SMIM35: variants seen among roughly 807,000 people sequenced by gnomAD.
SMIM35 encodes small integral membrane protein 35.
At chr11:118,021,435 T>C (rs2058230479) in intron 1 of SMIM35, among the ~76,000 whole-genome samples, 1 of 152,178 alleles carries the variant, frequency 6.6e-6, no homozygotes, top group Non-Finnish European at 1.5e-5. Flanking sequence ...ATTTCCATAA[T>C]TTTAACTTAA....
At chr11:118,016,116 C>T (rs574157875) in intron 1 of SMIM35, among the ~76,000 whole-genome samples, 3 of 152,244 alleles carry the variant, frequency 2.0e-5, no homozygotes, top group South Asian at 2.1e-4. Context: ...CTACCTGTGT[C>T]GGGGTGAGCC....
At chr11:118,012,706 GTTGAA>G (rs2058156591) in intron 4 of SMIM35, among the ~76,000 whole-genome samples, 1 of 152,216 alleles carries the variant, frequency 6.6e-6, no homozygotes, top group Non-Finnish European at 1.5e-5. Context: ...CAGGGGGAGG[GTTGAA>G]AGTGCTGGAA....
intron 1 of SMIM35, among the ~76,000 whole-genome samples, chr11:118,055,558 C>G (rs1401185246): frequency 6.6e-6 from 1 of 152,172 alleles, no homozygotes; most frequent in African/African-American, 2.4e-5. Flanking sequence ...CTGGGGTCCC[C>G]CACTACTTGT....
intron 1 of SMIM35, among the ~76,000 whole-genome samples, chr11:118,019,685 T>G (rs918896017): frequency 1.4e-4 from 21 of 152,236 alleles, no homozygotes; most frequent in African/African-American, 5.1e-4. Context: ...CGAGACATAC[T>G]CCTTATTTTT....
rs1048535986 is a variant in SMIM35 at position 118,077,398 on chromosome 11, A to G, written c.7+9353T>C. On this transcript the variant is annotated intron_variant, in intron 1 of 4. Coordinates refer to ENST00000689828, the MANE Select transcript of SMIM35 (RefSeq NM_001394165.1). The stretch of plus-strand genomic sequence containing the variant: ...CAGCCTGAGCATCCATCAGCTGAGA[A>G]TTCTGTGACACCTTCTAGGTTAAAA... 9 of 1,408,530 alleles carry G rather than the reference A, an allele frequency of 6.4e-6. No individual in the cohort carries two copies. The South Asian group carries it at 1.1e-4, about 18-fold the overall frequency. The allele number at this position is 1,408,530 out of a possible 1,614,324, so 87.3% of individuals were successfully genotyped here.
chr11:118,016,235 C>A (rs1591275733), intron 1 of SMIM35, among the ~76,000 whole-genome samples: 1 of 152,152 alleles, frequency 6.6e-6, no homozygotes, highest in African/African-American at 2.4e-5. Flanking sequence ...AGCTCATGCA[C>A]CCAGTGGCAG....
chr11:118,012,710 A>G (rs2058156621), intron 4 of SMIM35, among the ~76,000 whole-genome samples: 1 of 152,192 alleles, frequency 6.6e-6, no homozygotes, highest in Admixed American at 6.5e-5. Flanking sequence ...GGGAGGGTTG[A>G]AAGTGCTGGA....
intron 1 of SMIM35, among the ~76,000 whole-genome samples, chr11:118,072,413 G>A (rs1555077333): frequency 6.6e-6 from 1 of 152,210 alleles, no homozygotes; most frequent in Non-Finnish European, 1.5e-5. Context: ...GCTTGAGCCT[G>A]GGAGGCAGAG....
chr11:118,058,503 C>T (rs779011862), intron 1 of SMIM35, among the ~76,000 whole-genome samples: 4 of 152,212 alleles, frequency 2.6e-5, no homozygotes, highest in Admixed American at 1.3e-4. Flanking sequence ...AATGACGGGG[C>T]GAGGAATGGG....
chr11:118,084,688 A>C (rs960585405), intron 1 of SMIM35, among the ~76,000 whole-genome samples: 2 of 152,148 alleles, frequency 1.3e-5, no homozygotes, highest in African/African-American at 4.8e-5. Context: ...GAGAGCACTA[A>C]TTTTCACTTA....
intron 1 of SMIM35, chr11:118,031,789 C>A (rs575650257): frequency 2.2e-4 from 33 of 151,998 alleles, no homozygotes; most frequent in African/African-American, 7.7e-4. Flanking sequence ...GAGTGAGCTT[C>A]ATCAGTAATG....
At chr11:118,047,095 G>A (rs1944109242) in intron 1 of SMIM35, among the ~76,000 whole-genome samples, 1 of 152,144 alleles carries the variant, frequency 6.6e-6, no homozygotes, top group African/African-American at 2.4e-5. Context: ...TGAGTTTTAG[G>A]AGTAAACCGG....
chr11:118,081,751 G>GCATTCATTCATTCATTCATT (rs112018141), intron 1 of SMIM35, among the ~76,000 whole-genome samples: 2 of 152,028 alleles, frequency 1.3e-5, no homozygotes, highest in East Asian at 1.9e-4. Context: ...AAATCTGTAT[G>GCATTCATTCATTCATTCATT]CATTCATTCA....
intron 1 of SMIM35, among the ~76,000 whole-genome samples, chr11:118,076,798 A>G (rs1480817933): frequency 6.6e-6 from 1 of 152,050 alleles, no homozygotes; most frequent in African/African-American, 2.4e-5. Flanking sequence ...AAGCACCCAC[A>G]CAGTGAGAAG....
intron 4 of SMIM35, among the ~76,000 whole-genome samples, chr11:118,011,152 C>T (rs776365350): frequency 3.3e-5 from 5 of 152,150 alleles, no homozygotes; most frequent in African/African-American, 7.2e-5. Flanking sequence ...AAGAGGAAGT[C>T]GCCCAGTATC....
At chr11:118,030,135 A>G (rs948158491) in intron 1 of SMIM35, among the ~76,000 whole-genome samples, 2 of 152,092 alleles carry the variant, frequency 1.3e-5, no homozygotes, top group Non-Finnish European at 2.9e-5. Flanking sequence ...CCCAGGTTCA[A>G]GTGATTCTTC....
intron 1 of SMIM35, among the ~76,000 whole-genome samples, chr11:118,062,771 C>T (rs1006701856): frequency 6.6e-6 from 1 of 152,122 alleles, no homozygotes; most frequent in Non-Finnish European, 1.5e-5. Flanking sequence ...CTGTCAGAGG[C>T]ATGTGAATCA....
chr11:118,054,219 T>A (rs1292083468), intron 1 of SMIM35, among the ~76,000 whole-genome samples: 1 of 152,090 alleles, frequency 6.6e-6, no homozygotes, highest in Non-Finnish European at 1.5e-5. Context: ...TTGTTTGTTT[T>A]CAAATTTGGC....
chr11:118,032,454 A>G (rs1004635254), intron 1 of SMIM35, among the ~76,000 whole-genome samples: 3 of 152,240 alleles, frequency 2.0e-5, no homozygotes, highest in African/African-American at 7.2e-5. Flanking sequence ...ATTTTAATGT[A>G]TATATACACC....
Sources: gnomAD v4.1 joint callset for allele counts (sites outside exome capture counted in the v4.1 genomes callset) on GRCh38, gnomAD v4.1.1 for gene constraint, MANE v1.5 for transcripts, NCBI Gene and HGNC (gene_info 2026-07-23, HGNC 2026-07-21) for gene names.